The following ABI1 variants were observed in gnomAD, a reference collection of about 807,000 sequenced individuals.
The protein encoded by ABI1 is abl interactor 1.
ABI1 carries 14 observed loss-of-function variants against 54.6 expected under a neutral mutation model. The observed-to-expected ratio is 0.26, with a 90% CI of 0.17 to 0.40. ABI1 has a LOEUF of 0.40. Among genes scored for constraint, ABI1 ranks in the 10% least tolerant of loss-of-function variants. The pLI, the probability that ABI1 is intolerant of heterozygous loss-of-function variation, is 1.00. For synonymous variants in ABI1, 194 were observed against 209.3 expected (o/e 0.93, Z 0.63); for missense variants, 443 against 598.3 (o/e 0.74, Z 2.71).
At chr10:26,757,819 C>T (rs918257024) in intron 8 of ABI1, among the ~76,000 whole-genome samples, 18 of 151,858 alleles carry the variant, frequency 1.2e-4, no homozygotes, top group African/African-American at 4.1e-4. Context: ...TGTAATCCCA[C>T]CACTTTGGGA....
At chr10:26,859,495 C>T (rs965838527) in intron 1 of ABI1, among the ~76,000 whole-genome samples, 5 of 152,192 alleles carry the variant, frequency 3.3e-5, no homozygotes, top group Non-Finnish European at 7.3e-5. Flanking sequence ...CCTTGCCTTA[C>T]CAAAAGCAAG....
rs1438291377 is a variant in ABI1, at chr10:26,860,010, A to C, written c.117+737T>G. 1.3e-5 allele frequency among the ~76,000 whole-genome samples: 2 copies of C among 151,984 alleles called. No homozygotes were observed. Among genetic ancestry groups the C allele is most frequent in the Non-Finnish European group, 2.9e-5 (2 of 67,976 alleles). ...TGAGAGGGGGAAAAAAATAAAAAAA[A>C]CCCGACTTGAAAATGGACAAGCAGA... is the stretch of plus-strand genomic sequence containing the variant. On this transcript the variant is annotated intron_variant, in intron 1 of 10. Transcript: ENST00000376140. This position sits in a 1 kb window ranked among gnomAD's most constrained non-coding sequence, Gnocchi z 4.1.
intron 2 of ABI1, among the ~76,000 whole-genome samples, chr10:26,795,811 C>A (rs1372627894): frequency 6.6e-6 from 1 of 152,104 alleles, no homozygotes; most frequent in East Asian, 1.9e-4. Context: ...TTAAAACAGC[C>A]ATACTACCCA....
chr10:26,797,704 T>G (rs1277247193), intron 2 of ABI1, among the ~76,000 whole-genome samples: 1 of 152,052 alleles, frequency 6.6e-6, no homozygotes, highest in East Asian at 1.9e-4. Flanking sequence ...AACCAAGACA[T>G]GCTGTTCAGA....
intron 1 of ABI1, among the ~76,000 whole-genome samples, chr10:26,826,726 C>A (rs1221658797): frequency 6.6e-6 from 1 of 152,200 alleles, no homozygotes; most frequent in Non-Finnish European, 1.5e-5. Context: ...TCAGCACTTG[C>A]TGCTTTACCT....
intron 7 of ABI1, among the ~76,000 whole-genome samples, chr10:26,761,231 C>T (rs1420931363): frequency 6.6e-6 from 1 of 151,996 alleles, no homozygotes; most frequent in Non-Finnish European, 1.5e-5. Context: ...AGTCACCACT[C>T]CCAGCCAACC....
chr10:26,846,531 C>T (rs1355488973), intron 1 of ABI1, among the ~76,000 whole-genome samples: 1 of 151,840 alleles, frequency 6.6e-6, no homozygotes, highest in Non-Finnish European at 1.5e-5. Context: ...TTAGTAGAGA[C>T]GGGGTTTCAC....
chr10:26,843,787 C>T (rs570900707), intron 1 of ABI1, among the ~76,000 whole-genome samples: 2 of 151,610 alleles, frequency 1.3e-5, no homozygotes, highest in South Asian at 2.1e-4. Context: ...AAAAATAGCT[C>T]TATATACCAC....
At chr10:26,751,839 T>A (rs1375575964) in intron 9 of ABI1, 56 bp from the exon 10 acceptor site, 2 of 1,461,638 alleles carry the variant, frequency 1.4e-6, no homozygotes, top group South Asian at 1.4e-5. Context: ...TGGAAACTTA[T>A]AAGTTAACAG....
At position 26,860,161 on chromosome 10, in the gene ABI1, T is replaced by C. The variant is rs2051180310; in HGVS notation, c.117+586A>G. On this transcript the variant is annotated intron_variant, in intron 1 of 10. Coordinates refer to ENST00000376140, the MANE Select transcript of ABI1 (RefSeq NM_001012750.3). The surrounding 1 kb of genome is among the most constrained non-coding windows in gnomAD (Gnocchi z 4.1). ...GGTGTAATGTGACTCATGACAAATT[T>C]TTTTTAAATAAATAAATAAATAAAA... 6.6e-6 allele frequency among the ~76,000 whole-genome samples: 1 copy of C among 152,098 alleles called. No individual in the cohort carries two copies. Among genetic ancestry groups the C allele is most frequent in the Non-Finnish European group, 1.5e-5 (1 of 68,026 alleles).
At chr10:26,815,473 TTAAA>T (rs1291338730) in intron 2 of ABI1, among the ~76,000 whole-genome samples, 5 of 152,176 alleles carry the variant, frequency 3.3e-5, no homozygotes, top group East Asian at 1.9e-4. Flanking sequence ...ATATTCATAA[TTAAA>T]TAAAGAAGAA....
intron 2 of ABI1, among the ~76,000 whole-genome samples, chr10:26,783,277 GAT>G (rs1179197215): frequency 6.6e-6 from 1 of 152,160 alleles, no homozygotes; most frequent in Non-Finnish European, 1.5e-5. Flanking sequence ...AGAAAATGGA[GAT>G]AGTGTTTGCC....
At chr10:26,838,735 CATAA>C (rs113762868) in intron 1 of ABI1, among the ~76,000 whole-genome samples, 34 of 152,148 alleles carry the variant, frequency 2.2e-4, no homozygotes, top group African/African-American at 8.2e-4. Context: ...TTCTGTGACA[CATAA>C]ACAAGAAAGA....
chr10:26,762,174 A>T (rs1839320527), intron 7 of ABI1, among the ~76,000 whole-genome samples: 1 of 151,882 alleles, frequency 6.6e-6, no homozygotes, highest in African/African-American at 2.4e-5. Context: ...GCCCGGCTAA[A>T]TTTTTTGTAT....
At chr10:26,793,479 C>A (rs1336736489) in intron 2 of ABI1, among the ~76,000 whole-genome samples, 1 of 152,098 alleles carries the variant, frequency 6.6e-6, no homozygotes, top group African/African-American at 2.4e-5. Context: ...AAACAAAAAC[C>A]ACTTGGATCA....
At chr10:26,844,696 C>T (rs2049841136) in intron 1 of ABI1, among the ~76,000 whole-genome samples, 1 of 152,232 alleles carries the variant, frequency 6.6e-6, no homozygotes, top group African/African-American at 2.4e-5. Context: ...TATAGATTCA[C>T]TTCTGTGACT....
chr10:26,829,514 T>C (rs1230674641), intron 1 of ABI1, among the ~76,000 whole-genome samples: 3 of 152,206 alleles, frequency 2.0e-5, no homozygotes, highest in Non-Finnish European at 2.9e-5. Flanking sequence ...GTATGTTAAT[T>C]AGCTTAACTT....
At chr10:26,816,034 C>A (rs1180405612) in intron 2 of ABI1, among the ~76,000 whole-genome samples, 1 of 152,180 alleles carries the variant, frequency 6.6e-6, no homozygotes, top group Admixed American at 6.5e-5. Context: ...TTACTGGTTA[C>A]CAATCGTGTC....
chr10:26,822,972 T>TA (rs921820743), intron 2 of ABI1, among the ~76,000 whole-genome samples, 166 bp downstream of exon 2: 18 of 152,184 alleles, frequency 1.2e-4, no homozygotes, highest in African/African-American at 2.6e-4. Flanking sequence ...CTTATCATGA[T>TA]AAAAAAAGGA....
Sources: gnomAD v4.1 joint callset for allele counts (sites outside exome capture counted in the v4.1 genomes callset) on GRCh38, gnomAD v4.1.1 for gene constraint, Gnocchi (gnomAD v3.1) non-coding constraint, MANE v1.5 for transcripts, NCBI Gene and HGNC (gene_info 2026-07-23, HGNC 2026-07-21) for gene names.